ZNF345: variants seen among roughly 807,000 people sequenced by gnomAD.
ZNF345 encodes zinc finger protein HZF10.
For synonymous variants in ZNF345, 166 were observed against 187.9 expected, an observed-to-expected ratio of 0.88 and a Z score of 0.95; for missense variants, 527 against 589.9, an observed-to-expected ratio of 0.89 and a Z score of 1.10.
intron 3 of ZNF345, chr19:36,892,796 A>ATTT: frequency 3.5e-6 from 2 of 567,830 alleles, no homozygotes; most frequent in African/African-American, 3.9e-5. Context: ...AAAAAAAAAA[A>ATTT]TTTTTTTTGC....
chr19:36,874,765 G>A (rs953284223), intron 2 of ZNF345, among the ~76,000 whole-genome samples: 1 of 152,314 alleles, frequency 6.6e-6, no homozygotes. Context: ...GGCAACAAGA[G>A]CGAAACTCCA....
chr19:36,888,400 C>T (rs1334683385), intron 3 of ZNF345: 1 of 152,214 alleles, frequency 6.6e-6, no homozygotes, highest in Non-Finnish European at 1.5e-5. Flanking sequence ...TCTGTCTCTA[C>T]AATATCCAGT....
At chr19:36,882,758 A>G (rs1264326106), downstream of ZNF345, among the ~76,000 whole-genome samples, 1 of 152,190 alleles carries the variant, frequency 6.6e-6, no homozygotes, top group Non-Finnish European at 1.5e-5. Context: ...TAAAACATTA[A>G]TTTATTATTT....
intron 2 of ZNF345, among the ~76,000 whole-genome samples, chr19:36,855,155 T>G (rs1026362052): frequency 3.7e-4 from 55 of 149,518 alleles, no homozygotes; most frequent in African/African-American, 1.4e-3. Flanking sequence ...CCAGCCTTTT[T>G]TTTTTGAGAC....
intron 3 of ZNF345, among the ~76,000 whole-genome samples, chr19:36,886,857 G>T (rs1785802333): frequency 6.6e-6 from 1 of 151,856 alleles, no homozygotes; most frequent in African/African-American, 2.4e-5. Flanking sequence ...AGCCGGGCGT[G>T]GTGGTGGGCG....
rs368685872 is a variant in ZNF345, at chr19:36,878,688, A to C, written c.*391A>C. On this transcript the variant is annotated 3_prime_UTR_variant, in exon 3 of 3. Coordinates refer to ENST00000420450, the MANE Select transcript of ZNF345 (RefSeq NM_001242472.2). ...AAATTATTTTATTTATTGCAAGTCT[A>C]AATTTATCCTTTTTTTCTTTCCTGA... 9.3e-5 allele frequency: 16 copies of C among 171,472 alleles called. No homozygotes were observed. In the East Asian group the frequency reaches 2.1e-3, roughly 22 times the overall value. The allele number at this position is 171,472 out of a possible 1,614,324, so 10.6% of individuals were successfully genotyped here. A position where few individuals can be genotyped will look rare whatever the true frequency, so the allele number is the denominator to read the frequency against.
At chr19:36,855,333 T>C (rs772944476) in intron 2 of ZNF345, among the ~76,000 whole-genome samples, 31 of 149,670 alleles carry the variant, frequency 2.1e-4, no homozygotes, top group Non-Finnish European at 4.1e-4. Flanking sequence ...GTATTTTTAG[T>C]AGAGACGGGG....
At position 36,877,734 on chromosome 19, in the gene ZNF345, A is replaced by G. The variant is rs2072918213; in HGVS notation, c.904A>G (p.Thr302Ala). 1 of 1,613,862 alleles carries G rather than the reference A, an allele frequency of 6.2e-7. No homozygotes were observed. The highest frequency in any genetic ancestry group is 8.5e-7 in the Non-Finnish European group (1 of 1,179,804). ...GGCTTTTAATAGTGGCTCAGATCTC[A>G]CTCAGCATCAGAGAATTCACACTGG... ...GKAFNSGSDL[T>A]QHQRIHTGEK... Residue 302 changes from threonine (T) to alanine (A), a missense_variant, in exon 3 of 3, where the codon ACT (threonine) becomes GCT (alanine). Coordinates refer to ENST00000420450, the MANE Select transcript of ZNF345 (RefSeq NM_001242472.2).
intron 2 of ZNF345, among the ~76,000 whole-genome samples, chr19:36,859,815 T>G (rs2072505881): frequency 6.6e-6 from 1 of 152,174 alleles, no homozygotes; most frequent in Non-Finnish European, 1.5e-5. Context: ...TGTTACCTTT[T>G]GCCTATTTGC....
intron 2 of ZNF345, among the ~76,000 whole-genome samples, chr19:36,857,392 C>T (rs910075168): frequency 6.6e-6 from 1 of 152,224 alleles, no homozygotes; most frequent in African/African-American, 2.4e-5. Context: ...CTGCAAGCTC[C>T]GCCTCCTGGG....
At chr19:36,861,114 C>T (rs2146146639) in intron 2 of ZNF345, among the ~76,000 whole-genome samples, 1 of 152,264 alleles carries the variant, frequency 6.6e-6, no homozygotes, top group African/African-American at 2.4e-5. Context: ...TTTTTATACT[C>T]AAGTTGTCCC....
chr19:36,882,856 C>T (rs491898), downstream of ZNF345, among the ~76,000 whole-genome samples: 38,938 of 152,044 alleles, frequency 0.26, 7,383 homozygotes, highest in African/African-American at 0.53. Context: ...CAAAGTTCTA[C>T]TTAATTATAT....
Position 36,855,447 on chromosome 19 carries a change from C to CTTTT in ZNF345, c.-47+3565_-47+3568dup, listed in dbSNP as rs34265794. 5.7e-3 allele frequency among the ~76,000 whole-genome samples: 335 copies of CTTTT among 58,582 alleles called. 8 individuals carry two copies. The highest frequency in any genetic ancestry group is 7.1e-3 in the Admixed American group (25 of 3,542). 38.4% of individuals were successfully genotyped at this position (58,582 alleles called of 152,430 possible). ...ACAGGCGTGAGCCACCGAGCCTGGC[C>CTTTT]TTTTTTTTTTTTTTTTTTTTTTTTT... On this transcript the variant is annotated intron_variant, in intron 2 of 2. Coordinates refer to ENST00000420450, the MANE Select transcript of ZNF345 (RefSeq NM_001242472.2).
At chr19:36,864,783 A>C (rs2072624198) in intron 2 of ZNF345, among the ~76,000 whole-genome samples, 1 of 152,122 alleles carries the variant, frequency 6.6e-6, no homozygotes, top group South Asian at 2.1e-4. Flanking sequence ...TGGGTTCCTC[A>C]TTCTTAAGAC....
At chr19:36,859,883 C>A (rs2072508238) in intron 2 of ZNF345, among the ~76,000 whole-genome samples, 1 of 151,790 alleles carries the variant, frequency 6.6e-6, no homozygotes, top group African/African-American at 2.4e-5. Flanking sequence ...TCTCTGCACA[C>A]ACACACACAC....
downstream of ZNF345, among the ~76,000 whole-genome samples, chr19:36,882,034 T>A (rs1038193684): frequency 6.8e-5 from 10 of 147,768 alleles, no homozygotes; most frequent in African/African-American, 2.6e-4. Context: ...TTTGAAGGAG[T>A]CCCATTCATT....
intron 2 of ZNF345, among the ~76,000 whole-genome samples, chr19:36,866,528 A>T (rs1600703373): frequency 6.7e-6 from 1 of 149,822 alleles, no homozygotes; most frequent in East Asian, 1.9e-4. Flanking sequence ...TTGAATAATA[A>T]TATATGTGTT....
Position 36,877,496 on chromosome 19 carries a change from G to T in ZNF345, c.666G>T (p.Arg222=). The change falls in exon 3 of 3, where the codon CGG becomes CGT. Residue 222 remains arginine (R), a synonymous_variant. Coordinates refer to ENST00000420450, the MANE Select transcript of ZNF345 (RefSeq NM_001242472.2). Reference sequence around the variant, plus strand: ...GTTCAAACCTTACTCAACATCGGCGGATTCATACTGGTGAGAAACCTTATG... The same window carrying T: ...GTTCAAACCTTACTCAACATCGGCGTATTCATACTGGTGAGAAACCTTATG... ...GSGSNLTQHR[R]IHTGEKPYEC... The T allele has an allele frequency of 1.2e-6, 2 of 1,612,612 alleles. No homozygotes were observed. Among genetic ancestry groups the T allele is most frequent in the Non-Finnish European group, 1.7e-6 (2 of 1,179,564 alleles).
intron 2 of ZNF345, 39 bp from the exon 3 acceptor site, chr19:36,876,746 C>A (rs2072888434): frequency 2.2e-6 from 3 of 1,361,876 alleles, no homozygotes; most frequent in Non-Finnish European, 1.0e-6. Flanking sequence ...TCTCCCAGAA[C>A]ACAAAAAAGT....
Sources: allele counts gnomAD v4.1 joint callset (sites outside exome capture counted in the v4.1 genomes callset), GRCh38; gene constraint gnomAD v4.1.1; transcripts MANE v1.5; gene names NCBI Gene and HGNC (gene_info 2026-07-23, HGNC 2026-07-21).